Variants in GALNT18 observed in about 807,000 individuals in gnomAD.
The protein encoded by GALNT18 is polypeptide N-acetylgalactosaminyltransferase 18.
Under a neutral mutation model 69.5 loss-of-function variants are expected in GALNT18, and 44 were observed. The ratio of observed to expected loss-of-function variants is 0.63; its 90% CI spans 0.50 to 0.81. The LOEUF is 0.81. Among genes scored for constraint, GALNT18 ranks in the 40% least tolerant of loss-of-function variants. GALNT18 has a pLI of 0.00. For synonymous variants in GALNT18, 364 were observed against 318.2 expected (o/e 1.14, Z -1.53); for missense variants, 715 against 810.0 (o/e 0.88, Z 1.42).
intron 1 of GALNT18, among the ~76,000 whole-genome samples, chr11:11,533,236 C>G (rs1363112819): frequency 2.0e-5 from 3 of 152,182 alleles, no homozygotes; most frequent in Admixed American, 6.5e-5. Context: ...GCTTCTTTAG[C>G]TTGTTTCATC....
chr11:11,489,811 T>C (rs1005717413), intron 1 of GALNT18, among the ~76,000 whole-genome samples: 1 of 152,170 alleles, frequency 6.6e-6, no homozygotes, highest in Non-Finnish European at 1.5e-5. Context: ...TGTTATCCTG[T>C]TTTACAAATA....
intron 1 of GALNT18, among the ~76,000 whole-genome samples, chr11:11,482,243 G>T (rs1309690312): frequency 6.6e-6 from 1 of 152,242 alleles, no homozygotes; most frequent in Non-Finnish European, 1.5e-5. Flanking sequence ...CAGTCGGAGG[G>T]GCCTGCCATC....
chr11:11,607,587 G>C (rs1758082195), intron 1 of GALNT18, among the ~76,000 whole-genome samples: 1 of 152,178 alleles, frequency 6.6e-6, no homozygotes, highest in South Asian at 2.1e-4. Context: ...ATTTTGTAGA[G>C]GGGGAAGAAA....
chr11:11,515,446 G>A (rs11021884), intron 1 of GALNT18, among the ~76,000 whole-genome samples: 30,336 of 152,052 alleles, frequency 0.2, 3,688 homozygotes, highest in Non-Finnish European at 0.25. Flanking sequence ...TGTGTGCCCC[G>A]ATTCCCCCTG....
intron 1 of GALNT18, among the ~76,000 whole-genome samples, chr11:11,560,713 G>A (rs927277304): frequency 2.0e-5 from 3 of 152,208 alleles, no homozygotes; most frequent in Non-Finnish European, 4.4e-5. Flanking sequence ...GCAGTCATGG[G>A]TAGCTCTGTA....
At chr11:11,575,026 C>G (rs140928789) in intron 1 of GALNT18, among the ~76,000 whole-genome samples, 17 of 152,294 alleles carry the variant, frequency 1.1e-4, no homozygotes, top group Non-Finnish European at 2.4e-4. Flanking sequence ...TGGCTGAGTA[C>G]TGCTACTATT....
chr11:11,378,536 AC>A (rs1468825858), intron 4 of GALNT18, among the ~76,000 whole-genome samples: 2 of 152,176 alleles, frequency 1.3e-5, no homozygotes, highest in Non-Finnish European at 2.9e-5. Context: ...AGCAGCTCTG[AC>A]CAGAGAAAGA....
rs553699864 is a variant in GALNT18 at position 11,563,991 on chromosome 11, C to T, written c.235+57368G>A. Among the ~76,000 whole-genome samples, 86 of 152,228 alleles carry T rather than the reference C, an allele frequency of 5.6e-4. No individual in the cohort carries two copies. Among genetic ancestry groups the T allele is most frequent in the Non-Finnish European group, 1.0e-3 (68 of 68,012 alleles). ...GATCTGACATGATGGCTTGCTCCAACGCCCTAAAAACCAGCAACGATCAAC... is the reference window on the plus strand; with the variant it reads ...GATCTGACATGATGGCTTGCTCCAATGCCCTAAAAACCAGCAACGATCAAC... On this transcript the variant is annotated intron_variant, in intron 1 of 10. Coordinates refer to ENST00000227756, the MANE Select transcript of GALNT18 (RefSeq NM_198516.3). The surrounding 1 kb of genome is among the most constrained non-coding windows in gnomAD (Gnocchi z 4.6).
chr11:11,504,862 G>T (rs1167941883), intron 1 of GALNT18, among the ~76,000 whole-genome samples: 2 of 152,176 alleles, frequency 1.3e-5, no homozygotes, highest in Non-Finnish European at 2.9e-5. Flanking sequence ...TGGGCATTCT[G>T]TTTGCCTTGG....
intron 6 of GALNT18, among the ~76,000 whole-genome samples, chr11:11,342,957 T>G (rs1314115823): frequency 6.6e-6 from 1 of 152,258 alleles, no homozygotes; most frequent in Non-Finnish European, 1.5e-5. Context: ...GTGGTCATTC[T>G]TAGCTATTAC....
rs151133657 is a variant in GALNT18, at chr11:11,538,785, G to A, written c.235+82574C>T. ...CACCTGGCCCCAGGGCCTGCACATC[G>A]CAGGCCCGCTGATCTCCTTACTCCT... On this transcript the variant is annotated intron_variant, in intron 1 of 10. Transcript: ENST00000227756. This position sits in a 1 kb window ranked among gnomAD's most constrained non-coding sequence, Gnocchi z 5.2. Among the ~76,000 whole-genome samples the A allele has an allele frequency of 3.0e-3, 449 of 152,196 alleles. 3 individuals are homozygous for A. The highest frequency in any genetic ancestry group is 0.01 in the African/African-American group (435 of 41,530).
At chr11:11,394,541 T>C (rs899838782) in intron 3 of GALNT18, among the ~76,000 whole-genome samples, 13 of 152,226 alleles carry the variant, frequency 8.5e-5, no homozygotes, top group Non-Finnish European at 1.5e-4. Context: ...AATTTCTTAA[T>C]TAAAAACTCT....
rs1421001156 is a variant in GALNT18 at position 11,606,080 on chromosome 11, G to A, written c.235+15279C>T. On this transcript the variant is annotated intron_variant, in intron 1 of 10. Transcript: ENST00000227756. This position sits in a 1 kb window ranked among gnomAD's most constrained non-coding sequence, Gnocchi z 5.4. Reference sequence around the variant, plus strand: ...CAGAAGCCATCCCCAAAGCCAGAATGAAAACCAGCTCTTCTGTCCCTGGGC... The same window carrying A: ...CAGAAGCCATCCCCAAAGCCAGAATAAAAACCAGCTCTTCTGTCCCTGGGC... 6.6e-6 allele frequency among the ~76,000 whole-genome samples: 1 copy of A among 152,194 alleles called. No homozygotes were observed. Among genetic ancestry groups the A allele is most frequent in the East Asian group, 1.9e-4 (1 of 5,186 alleles).
intron 1 of GALNT18, among the ~76,000 whole-genome samples, chr11:11,520,501 A>G (rs2133927079): frequency 6.6e-6 from 1 of 152,168 alleles, no homozygotes; most frequent in East Asian, 1.9e-4. Context: ...CATGCCACTC[A>G]CCGAGCAGAC....
intron 10 of GALNT18, among the ~76,000 whole-genome samples, chr11:11,286,223 T>G (rs1474181684): frequency 6.6e-6 from 1 of 152,246 alleles, no homozygotes; most frequent in Non-Finnish European, 1.5e-5. Context: ...CTCCTGTTTT[T>G]AAAAATACTC....
At chr11:11,427,117 T>A (rs1855149655) in intron 3 of GALNT18, among the ~76,000 whole-genome samples, 1 of 151,992 alleles carries the variant, frequency 6.6e-6, no homozygotes, top group Non-Finnish European at 1.5e-5. Context: ...AATGCTAAAG[T>A]TTGAGACTGC....
rs576385631 is a variant in GALNT18, at chr11:11,449,030, A to T, written c.236-94T>A. 7 of 1,078,560 alleles carry T rather than the reference A, an allele frequency of 6.5e-6. No homozygotes were observed. In the African/African-American group the frequency reaches 1.1e-4, roughly 17 times the overall value. 66.8% of individuals were successfully genotyped at this position (1,078,560 alleles called of 1,614,324 possible). On this transcript the variant is annotated intron_variant, in intron 1 of 10. Coordinates refer to ENST00000227756, the MANE Select transcript of GALNT18 (RefSeq NM_198516.3). Reference sequence around the variant, plus strand: ...CCCTTCCTCACAAACAGCCTTTGGTAAAACAATCTTAGCCCCTTCTTTCGG... The same window carrying T: ...CCCTTCCTCACAAACAGCCTTTGGTTAAACAATCTTAGCCCCTTCTTTCGG...
In GALNT18 at chr11:11,552,891, CCT is replaced by C. The variant is rs745758029; in HGVS notation, c.235+68466_235+68467del. On this transcript the variant is annotated intron_variant, in intron 1 of 10. Transcript: ENST00000227756. ...CCAGGTCTCTGCTCCACACCCAGCC[CCT>C]GACACCCCACCCACATTCCTGAGCC... 1.3e-5 allele frequency among the ~76,000 whole-genome samples: 2 copies of C among 152,172 alleles called. 1 individual carries two copies. The highest frequency in any genetic ancestry group is 2.9e-5 in the Non-Finnish European group (2 of 68,030).
At position 11,429,797 on chromosome 11, in the gene GALNT18, C is replaced by A. The variant is rs115862344; in HGVS notation, c.595+2824G>T. ...AAATATGTTCAAAAGTGAAGCCACA[C>A]GTTATTCCTGAAACTAAAGCTTCTC... On this transcript the variant is annotated intron_variant, in intron 3 of 10. Coordinates refer to ENST00000227756, the MANE Select transcript of GALNT18 (RefSeq NM_198516.3). Among the ~76,000 whole-genome samples, 1,076 of 152,278 alleles carry A rather than the reference C, an allele frequency of 7.1e-3. 6 individuals carry two copies. The highest frequency in any genetic ancestry group is 0.011 in the Non-Finnish European group (715 of 68,024).
Sources: gnomAD v4.1 joint callset for allele counts (sites outside exome capture counted in the v4.1 genomes callset) on GRCh38, gnomAD v4.1.1 for gene constraint, Gnocchi (gnomAD v3.1) non-coding constraint, MANE v1.5 for transcripts, NCBI Gene and HGNC (gene_info 2026-07-23, HGNC 2026-07-21) for gene names.